Variants in DST observed in about 807,000 individuals in gnomAD.
DST encodes the protein bullous pemphigoid antigen.
A neutral mutation model predicts 875.2 loss-of-function variants in DST; 253 were observed. That is an observed-to-expected ratio of 0.29 (90% CI 0.26 to 0.32). The LOEUF is 0.32. Ranked by LOEUF, DST falls within the 10% of genes least tolerant of loss-of-function variation. The probability of loss-of-function intolerance (pLI) is 1.00; values close to 1 mark genes in which losing one functional copy is unlikely to be tolerated. For missense variants in DST, 8,287 were observed against 9,111.6 expected (o/e 0.91, Z 3.68); for synonymous variants, 3,124 against 3,197.1 (o/e 0.98, Z 0.77).
chr6:56,511,117 A>T, intron 73 of DST, 80 bp downstream of exon 73: 1 of 1,230,202 alleles, frequency 8.1e-7, no homozygotes, highest in East Asian at 2.5e-5. Flanking sequence ...GTTAAAATTT[A>T]ATCAGGAAAT....
rs760290630 is a variant in DST, at chr6:56,578,835, T to C, written c.13006A>G (p.Asn4336Asp). 1 of 1,612,120 alleles carries C rather than the reference T, an allele frequency of 6.2e-7. No individual in the cohort carries two copies. Among genetic ancestry groups the C allele is most frequent in the Non-Finnish European group, 8.5e-7 (1 of 1,179,216 alleles). The change falls in exon 50 of 104, where the codon AAT (asparagine) becomes GAT (aspartate). Residue 4336 changes from asparagine to aspartate, a missense_variant. Around this residue, in one of 10 missense-constraint regions of DST, gnomAD observed 1,513 missense variants for 1,677.8 expected, o/e 0.90. Transcript: ENST00000680361. Reference sequence around the variant, plus strand: ...TTACCAAGTGTTTTCTGGATATCATTCTTGGCTGGAAGTAAAGATCCCCTG... The same window carrying C: ...TTACCAAGTGTTTTCTGGATATCATCCTTGGCTGGAAGTAAAGATCCCCTG... Reference protein sequence around the residue: ...DARGSLLPAKNDIQKTLDDIV... With the variant: ...DARGSLLPAKDDIQKTLDDIV...
At chr6:56,795,826 C>T (rs949880882) in intron 4 of DST, among the ~76,000 whole-genome samples, 1 of 152,164 alleles carries the variant, frequency 6.6e-6, no homozygotes, top group Non-Finnish European at 1.5e-5. Flanking sequence ...TCAATCAGCG[C>T]TTTCAAAATT....
At chr6:56,502,643 T>C (rs1322445268) in intron 78 of DST, among the ~76,000 whole-genome samples, 2 of 152,028 alleles carry the variant, frequency 1.3e-5, no homozygotes, top group Non-Finnish European at 2.9e-5. Flanking sequence ...CACTGACCTA[T>C]ACGAAAATAA....
At chr6:56,555,111 C>A (rs985790362) in intron 60 of DST, among the ~76,000 whole-genome samples, 1 of 152,076 alleles carries the variant, frequency 6.6e-6, no homozygotes, top group Non-Finnish European at 1.5e-5. Context: ...TTTTAATAGG[C>A]CTTCAGGAAG....
At chr6:56,559,758 C>A (rs1010839772) in intron 58 of DST, among the ~76,000 whole-genome samples, 1 of 151,956 alleles carries the variant, frequency 6.6e-6, no homozygotes, top group East Asian at 1.9e-4. Context: ...AAATTCTGTA[C>A]CTCCGAGGAG....
intron 36 of DST, among the ~76,000 whole-genome samples, chr6:56,623,234 G>A (rs1278995281): frequency 6.6e-6 from 1 of 151,990 alleles, no homozygotes; most frequent in Non-Finnish European, 1.5e-5. Context: ...CAGATAAATC[G>A]AGTAAGTGGC....
chr6:56,858,097 T>C lies in DST; in HGVS notation c.418-6493A>G, dbSNP rs1363860678. 2.0e-5 allele frequency among the ~76,000 whole-genome samples: 3 copies of C among 152,190 alleles called. No individual in the cohort carries two copies. The South Asian group carries it at 6.2e-4, about 32-fold the overall frequency. On this transcript the variant is annotated intron_variant, in intron 3 of 103. Transcript: ENST00000680361. ...GGTAGTAAGTGTGGAAGAGGGGGTC[T>C]AGTGGTGAGGCCATTAGCTGGCTCT...
At chr6:56,836,461 G>A (rs565771133) in intron 4 of DST, among the ~76,000 whole-genome samples, 8 of 152,280 alleles carry the variant, frequency 5.3e-5, no homozygotes, top group African/African-American at 1.7e-4. Context: ...TGCTCAAATT[G>A]TAGGGTAGCC....
chr6:56,872,925 A>C (rs368786967), intron 3 of DST, among the ~76,000 whole-genome samples: 1 of 145,106 alleles, frequency 6.9e-6, no homozygotes, highest in Admixed American at 7.3e-5. Context: ...AGGAACCTCC[A>C]TATTTTGTTT....
chr6:56,603,296 CTAA>C lies in DST; in HGVS notation c.11063_11065del (p.Ile3688del). The C allele has an allele frequency of 1.2e-6, 2 of 1,610,824 alleles. No individual in the cohort carries two copies. The highest frequency in any genetic ancestry group is 1.7e-6 in the Non-Finnish European group (2 of 1,178,894). On this transcript the variant is annotated inframe_deletion, in exon 42 of 104. Coordinates refer to ENST00000680361, the MANE Select transcript of DST (RefSeq NM_001374736.1). Reference sequence around the variant, plus strand: ...GAAGGCGGTCTTCAAACTCTGGTGGCTAATACTCAATTCTTCAACATGGCCTCT... The same window carrying C: ...GAAGGCGGTCTTCAAACTCTGGTGGCTACTCAATTCTTCAACATGGCCTCT...
At position 56,672,750 on chromosome 6, in the gene DST, G is replaced by A. The variant is rs145040144; in HGVS notation, c.1048-1943C>T. 4.9e-3 allele frequency among the ~76,000 whole-genome samples: 752 copies of A among 152,182 alleles called. 5 individuals carry two copies. Among genetic ancestry groups the A allele is most frequent in the Non-Finnish European group, 9.1e-3 (616 of 68,014 alleles). On this transcript the variant is annotated intron_variant, in intron 9 of 103. Coordinates refer to ENST00000680361, the MANE Select transcript of DST (RefSeq NM_001374736.1). ...CAGTGTAATGCCTGGCCCATAGTCC[G>A]CAAATGCATAATACAGATGAGCTAT...
intron 15 of DST, chr6:56,642,992 G>T: frequency 7.7e-7 from 1 of 1,291,578 alleles, no homozygotes; most frequent in Non-Finnish European, 1.0e-6. Context: ...CTAGCCTAAA[G>T]CCATTCGTTT....
At chr6:56,800,852 C>G (rs2099745797) in intron 4 of DST, among the ~76,000 whole-genome samples, 1 of 151,954 alleles carries the variant, frequency 6.6e-6, no homozygotes, top group Non-Finnish European at 1.5e-5. Flanking sequence ...AACCCCATCT[C>G]TCCAAAAAAT....
intron 55 of DST, 46 bp from the exon 56 acceptor site, chr6:56,562,246 C>G: frequency 7.4e-7 from 1 of 1,346,908 alleles, no homozygotes; most frequent in Non-Finnish European, 1.0e-6. Flanking sequence ...CATAGTATTT[C>G]TATACATTAA....
Position 56,469,955 on chromosome 6 carries a change from C to T in DST, c.22479G>A (p.Val7493=), listed in dbSNP as rs569540776. 54 of 1,613,360 alleles carry T rather than the reference C, an allele frequency of 3.3e-5. 1 individual carries two copies. The South Asian group carries it at 5.3e-4, about 16-fold the overall frequency. The change falls in exon 97 of 104, where the codon GTG becomes GTA. Residue 7493 remains valine, a splice_region_variant and synonymous_variant. Coordinates refer to ENST00000680361, the MANE Select transcript of DST (RefSeq NM_001374736.1). ...ITDADKIEDE[V]TRQVAKCKCA... is the part of the protein sequence containing the mutation. ...ATTTACACTTAGCTACCTGCCTTGTCACCTGCCAAAAACAATGATGAAATA... is the reference window on the plus strand; with the variant it reads ...ATTTACACTTAGCTACCTGCCTTGTTACCTGCCAAAAACAATGATGAAATA...
intron 2 of DST, among the ~76,000 whole-genome samples, chr6:56,923,621 C>T (rs1805423592): frequency 6.6e-6 from 1 of 152,034 alleles, no homozygotes; most frequent in Non-Finnish European, 1.5e-5. Flanking sequence ...CAAGTAAAGC[C>T]AATGTTTTAG....
Position 56,487,289 on chromosome 6 carries a change from GA to G in DST, c.20878-17del. ...TCTGAAACTCCTAAATATTTAACAA[GA>G]AAAAAATGCGAATTTCTTCTTGGGA... On this transcript the variant is annotated splice_polypyrimidine_tract_variant and intron_variant, in intron 86 of 103. Transcript: ENST00000680361. 1 of 1,519,220 alleles carries G rather than the reference GA, an allele frequency of 6.6e-7. No individual in the cohort carries two copies. The highest frequency in any genetic ancestry group is 1.4e-5 in the South Asian group (1 of 72,210). The allele number at this position is 1,519,220 out of a possible 1,614,324, so 94.1% of individuals were successfully genotyped here.
intron 9 of DST, among the ~76,000 whole-genome samples, chr6:56,691,076 T>A (rs1161413239): frequency 6.6e-6 from 1 of 152,198 alleles, no homozygotes; most frequent in Non-Finnish European, 1.5e-5. Flanking sequence ...CCACATATAT[T>A]TTCCATTGAA....
In DST at chr6:56,504,026, T is replaced by C. The variant is rs201881323; in HGVS notation, c.19537A>G (p.Thr6513Ala). The stretch of plus-strand genomic sequence containing the variant: ...AGCTCTTCAATCTGCTGCTTGACAG[T>C]TTCGAGATCTGTTCCAATTGGAGAC... Reference protein sequence around the residue: ...SMSPIGTDLETVKQQIEELKQ... With the variant: ...SMSPIGTDLEAVKQQIEELKQ... Residue 6513 changes from threonine (T) to alanine (A), a missense_variant, in exon 78 of 104, where the codon ACT becomes GCT. Coordinates refer to ENST00000680361, the MANE Select transcript of DST (RefSeq NM_001374736.1). The C allele has an allele frequency of 1.4e-5, 22 of 1,609,056 alleles. No homozygotes were observed. Among genetic ancestry groups the C allele is most frequent in the Non-Finnish European group, 1.9e-5 (22 of 1,177,912 alleles).
Sources: gnomAD v4.1 joint callset for allele counts (sites outside exome capture counted in the v4.1 genomes callset) on GRCh38, gnomAD v4.1.1 for gene constraint, gnomAD v4.1.1 regional missense constraint, MANE v1.5 for transcripts, NCBI Gene and HGNC (gene_info 2026-07-23, HGNC 2026-07-21) for gene names.